The following FGF7 variants were observed in gnomAD, a reference collection of about 807,000 sequenced individuals.
FGF7 encodes the protein fibroblast growth factor 7.
A neutral mutation model predicts 20.5 loss-of-function variants in FGF7; 6 were observed. The ratio of observed to expected loss-of-function variants is 0.29; its 90% CI spans 0.16 to 0.58. FGF7 has a LOEUF of 0.58. Among genes scored for constraint, FGF7 ranks in the 20% least tolerant of loss-of-function variants. FGF7 has a pLI of 0.90. For missense variants in FGF7, 144 were observed against 228.8 expected, an observed-to-expected ratio of 0.63 and a Z score of 2.39; for synonymous variants, 64 against 74.7, an observed-to-expected ratio of 0.86 and a Z score of 0.74.
chr15:49,448,688 T>TAA (rs1289363712), intron 2 of FGF7, among the ~76,000 whole-genome samples: 2 of 151,536 alleles, frequency 1.3e-5, no homozygotes, highest in African/African-American at 2.4e-5. Context: ...TATATATATA[T>TAA]AATAAACTAT....
chr15:49,475,071 T>A (rs2055136761), intron 2 of FGF7, among the ~76,000 whole-genome samples: 1 of 152,120 alleles, frequency 6.6e-6, no homozygotes, highest in South Asian at 2.1e-4. Context: ...TATAATAAAT[T>A]ATCACAAAAG....
chr15:49,471,693 CTCATG>C (rs1197311886), intron 2 of FGF7, among the ~76,000 whole-genome samples: 1 of 151,968 alleles, frequency 6.6e-6, no homozygotes, highest in Non-Finnish European at 1.5e-5. Context: ...ACAACAGCAT[CTCATG>C]CTTTATGTAA....
chr15:49,441,776 A>G (rs1197840683), intron 2 of FGF7, among the ~76,000 whole-genome samples: 6 of 151,360 alleles, frequency 4.0e-5, no homozygotes, highest in African/African-American at 1.5e-4. Flanking sequence ...TAATAGCAGT[A>G]TTGTGTAAAG....
intron 2 of FGF7, among the ~76,000 whole-genome samples, chr15:49,459,022 C>T (rs945053988): frequency 1.3e-5 from 2 of 152,178 alleles, no homozygotes; most frequent in Non-Finnish European, 2.9e-5. Flanking sequence ...AAAAAACACA[C>T]AAAATCTACT....
intron 2 of FGF7, among the ~76,000 whole-genome samples, chr15:49,440,761 T>A (rs1224620499): frequency 1.3e-5 from 2 of 151,576 alleles, no homozygotes; most frequent in African/African-American, 4.8e-5. Context: ...AACAACAGAG[T>A]CAGGACCTGA....
chr15:49,445,725 T>A (rs765885560), intron 2 of FGF7, among the ~76,000 whole-genome samples: 1 of 151,594 alleles, frequency 6.6e-6, no homozygotes, highest in Non-Finnish European at 1.5e-5. Context: ...TGATAATAGC[T>A]GTCCAGTTTT....
At position 49,488,598 on chromosome 15, in the gene FGF7, TATC is replaced by T. The variant is rs534774627; in HGVS notation, c.*4097_*4099del. The T allele has an allele frequency of 3.5e-4, 54 of 152,122 alleles. No individual in the cohort carries two copies. The East Asian group carries it at 0.01, about 29-fold the overall frequency. The allele number at this position is 152,122 out of a possible 1,614,324, so 9.4% of individuals were successfully genotyped here. On this transcript the variant is annotated 3_prime_UTR_variant, in exon 4 of 4. Transcript: ENST00000267843. ...CATGTGGTTGCATTTTCCAAGTTCT[TATC>T]ATTGAATTTATGAGAGCCTATCAAA...
In FGF7 at chr15:49,484,286, CTGTT is replaced by C. The variant is rs752224865; in HGVS notation, c.391-10_391-7del. 116 of 1,515,116 alleles carry C rather than the reference CTGTT, an allele frequency of 7.7e-5. No homozygotes were observed. Among genetic ancestry groups the C allele is most frequent in the East Asian group, 3.0e-4 (13 of 43,544 alleles). 93.9% of individuals were successfully genotyped at this position (1,515,116 alleles called of 1,614,324 possible). On this transcript the variant is annotated intron_variant, in intron 3 of 3. Transcript: ENST00000267843. ...TCTCTAAAAATCATTTGGATAATGTCTGTTTGTTTGTTTGTTTTAACAGAAAGAA... is the reference window on the plus strand; with the variant it reads ...TCTCTAAAAATCATTTGGATAATGTCTGTTTGTTTGTTTTAACAGAAAGAA...
intron 2 of FGF7, among the ~76,000 whole-genome samples, chr15:49,480,735 G>A (rs2055870694): frequency 6.6e-6 from 1 of 151,956 alleles, no homozygotes; most frequent in African/African-American, 2.4e-5. Context: ...CGCCTGACTC[G>A]GCCTCCCAAA....
At chr15:49,465,478 T>C (rs2054186230) in intron 2 of FGF7, among the ~76,000 whole-genome samples, 1 of 152,194 alleles carries the variant, frequency 6.6e-6, no homozygotes, top group African/African-American at 2.4e-5. Context: ...GATAGATAAA[T>C]AGATATGCTA....
At chr15:49,427,638 C>CT (rs1200218949) in intron 2 of FGF7, among the ~76,000 whole-genome samples, 2 of 151,906 alleles carry the variant, frequency 1.3e-5, no homozygotes, top group East Asian at 1.9e-4. Context: ...TTTCTCATGA[C>CT]TTTTTTTTGA....
chr15:49,455,810 GCTTAT>G (rs1221716944), intron 2 of FGF7, among the ~76,000 whole-genome samples: 1 of 152,018 alleles, frequency 6.6e-6, no homozygotes, highest in African/African-American at 2.4e-5. Context: ...GTCTCAAGTA[GCTTAT>G]CTTATCACTA....
At chr15:49,462,584 C>G (rs1427054089) in intron 2 of FGF7, among the ~76,000 whole-genome samples, 1 of 152,210 alleles carries the variant, frequency 6.6e-6, no homozygotes, top group African/African-American at 2.4e-5. Flanking sequence ...TGGCACAGAA[C>G]TGGAAAGTAT....
chr15:49,438,986 T>G (rs1486349701), intron 2 of FGF7, among the ~76,000 whole-genome samples: 1 of 151,702 alleles, frequency 6.6e-6, no homozygotes, highest in Admixed American at 6.6e-5. Flanking sequence ...TTTATTATCT[T>G]GCAGTTTCAG....
At chr15:49,425,897 A>G (rs1346050606) in intron 2 of FGF7, among the ~76,000 whole-genome samples, 1 of 151,724 alleles carries the variant, frequency 6.6e-6, no homozygotes, top group Non-Finnish European at 1.5e-5. Flanking sequence ...ATCTAAGGAA[A>G]TGACTATTTG....
intron 3 of FGF7, among the ~76,000 whole-genome samples, 185 bp downstream of exon 3, chr15:49,483,439 T>C (rs2056132687): frequency 6.6e-6 from 1 of 152,094 alleles, no homozygotes; most frequent in African/African-American, 2.4e-5. Flanking sequence ...ACAAATGGCT[T>C]GTTCTTTGGA....
At chr15:49,474,990 A>T (rs981142318) in intron 2 of FGF7, among the ~76,000 whole-genome samples, 30 of 128,876 alleles carry the variant, frequency 2.3e-4, no homozygotes, top group African/African-American at 9.4e-4. Flanking sequence ...TTAAAATTCA[A>T]ACTATAAAAG....
chr15:49,443,791 CAG>C (rs2051905964), intron 2 of FGF7, among the ~76,000 whole-genome samples: 1 of 151,614 alleles, frequency 6.6e-6, no homozygotes, highest in Non-Finnish European at 1.5e-5. Context: ...CAGAGAAAAA[CAG>C]AAATAGTGAA....
chr15:49,437,809 C>T (rs75548893), intron 2 of FGF7, among the ~76,000 whole-genome samples: 3,339 of 151,618 alleles, frequency 0.022, 61 homozygotes, highest in Non-Finnish European at 0.032. Context: ...GATACCAACA[C>T]CAAAGAGTCA....
Sources: gnomAD v4.1 joint callset for allele counts (sites outside exome capture counted in the v4.1 genomes callset) on GRCh38, gnomAD v4.1.1 for gene constraint, MANE v1.5 for transcripts, NCBI Gene and HGNC (gene_info 2026-07-23, HGNC 2026-07-21) for gene names.